GPR161: variants seen among roughly 807,000 people sequenced by gnomAD.
GPR161 encodes the protein G protein-coupled receptor 161, also known as G-protein coupled receptor RE2.
GPR161 carries 25 observed loss-of-function variants against 39.2 expected under a neutral mutation model. The observed-to-expected ratio is 0.64, with a 90% confidence interval of 0.47 to 0.89. The LOEUF is 0.89. GPR161 is among the 40% of genes least tolerant of loss of function. The pLI is 0.00. For missense variants in GPR161, 547 were observed against 677.8 expected (o/e 0.81, Z 2.14); for synonymous variants, 286 against 276.6 (o/e 1.03, Z -0.34).
rs1351048004 is a variant in GPR161, at chr1:168,083,999, T to G, written c.*1532A>C. 6.6e-6 allele frequency: 1 copy of G among 152,318 alleles called. No homozygotes were observed. Among genetic ancestry groups the G allele is most frequent in the Admixed American group, 6.5e-5 (1 of 15,292 alleles). 9.4% of individuals were successfully genotyped at this position (152,318 alleles called of 1,614,324 possible). ...GAGAAGTCCTGAACTTATTTAGTCA[T>G]GATGCAGGCCAAGGGCAGACGCAAG... On this transcript the variant is annotated 3_prime_UTR_variant, in exon 6 of 6. Coordinates refer to ENST00000682931, the MANE Select transcript of GPR161 (RefSeq NM_001375883.1).
chr1:168,121,657 C>T (rs1426631732), intron 1 of GPR161, among the ~76,000 whole-genome samples: 1 of 152,168 alleles, frequency 6.6e-6, no homozygotes, highest in Non-Finnish European at 1.5e-5. Context: ...GCTGGGGGTC[C>T]ACACAGCTTT....
chr1:168,125,595 C>T (rs1217605630), intron 1 of GPR161, among the ~76,000 whole-genome samples: 1 of 151,116 alleles, frequency 6.6e-6, no homozygotes, highest in Admixed American at 6.6e-5. Context: ...ATAACATGTA[C>T]AGTATCTTGA....
At position 168,135,877 on chromosome 1, in the gene GPR161, C is replaced by T. The variant is rs1025626428; in HGVS notation, c.-45+862G>A. 9 of 285,040 alleles carry T rather than the reference C, an allele frequency of 3.2e-5. No individual in the cohort carries two copies. In the East Asian group the frequency reaches 9.7e-4, roughly 31 times the overall value. The allele number at this position is 285,040 out of a possible 1,614,324, so 17.7% of individuals were successfully genotyped here. A position where few individuals can be genotyped will look rare whatever the true frequency, so the allele number is the denominator to read the frequency against. The stretch of plus-strand genomic sequence containing the variant: ...TCAAATGACCTGCTCTATGAAAGCA[C>T]TTTGCAAAAGGGATGAAAGTACAAT... On this transcript the variant is annotated intron_variant, in intron 1 of 5. Transcript: ENST00000682931.
At chr1:168,087,334 G>GGGGTGTGT (rs1553258170) in intron 5 of GPR161, among the ~76,000 whole-genome samples, 8 of 148,684 alleles carry the variant, frequency 5.4e-5, no homozygotes, top group African/African-American at 2.0e-4. Context: ...AACACGTGTG[G>GGGGTGTGT]GTGTGTGTGT....
At chr1:168,132,587 CAAAAAAAA>C (rs1160404142) in intron 1 of GPR161, among the ~76,000 whole-genome samples, 6 of 78,596 alleles carry the variant, frequency 7.6e-5, no homozygotes, top group Non-Finnish European at 1.6e-4. Flanking sequence ...GACTCCGTCT[CAAAAAAAA>C]AAAAAAGAAA....
chr1:168,130,872 C>T (rs1051688160), intron 1 of GPR161, among the ~76,000 whole-genome samples: 8 of 152,124 alleles, frequency 5.3e-5, no homozygotes, highest in African/African-American at 1.7e-4. Context: ...GATAAAACAT[C>T]ACCACCCACC....
intron 3 of GPR161, among the ~76,000 whole-genome samples, chr1:168,091,407 C>T (rs1478285857): frequency 3.9e-5 from 6 of 152,174 alleles, no homozygotes; most frequent in Admixed American, 1.3e-4. Context: ...CCTTGTCCCA[C>T]TTAACCTGGG....
intron 1 of GPR161, among the ~76,000 whole-genome samples, chr1:168,113,223 A>G (rs1050599041): frequency 4.6e-5 from 7 of 152,300 alleles, no homozygotes; most frequent in African/African-American, 1.7e-4. Flanking sequence ...TGCTAGACAC[A>G]AAGGTGCTTC....
intron 3 of GPR161, 84 bp from the exon 4 acceptor site, chr1:168,090,752 C>A: frequency 1.6e-6 from 1 of 626,894 alleles, no homozygotes; most frequent in Non-Finnish European, 2.8e-6. Flanking sequence ...GACCCATCTC[C>A]TGCCCTTCTG....
In GPR161 at chr1:168,136,869, C is replaced by G; in HGVS notation, c.-175G>C. ...GTTTCGGGTTTCAGCCCACCGAGCC[C>G]CGCTTCGCTCCTCCCGCGGGCCAGC... On this transcript the variant is annotated 5_prime_UTR_variant, in exon 1 of 6. Coordinates refer to ENST00000682931, the MANE Select transcript of GPR161 (RefSeq NM_001375883.1). 1 of 982,282 alleles carries G rather than the reference C, an allele frequency of 1.0e-6. No individual in the cohort carries two copies. Among genetic ancestry groups the G allele is most frequent in the Non-Finnish European group, 1.2e-6 (1 of 828,652 alleles). 60.8% of individuals were successfully genotyped at this position (982,282 alleles called of 1,614,324 possible). A position where few individuals can be genotyped will look rare whatever the true frequency, so the allele number is the denominator to read the frequency against.
chr1:168,080,105 C>G lies in GPR161; in HGVS notation c.*5426G>C, dbSNP rs1693960668. 6.6e-6 allele frequency: 1 copy of G among 152,124 alleles called. No individual in the cohort carries two copies. Among genetic ancestry groups the G allele is most frequent in the Admixed American group, 6.5e-5 (1 of 15,272 alleles). 9.4% of individuals were successfully genotyped at this position (152,124 alleles called of 1,614,324 possible). A position where few individuals can be genotyped will look rare whatever the true frequency, so the allele number is the denominator to read the frequency against. Reference sequence around the variant, plus strand: ...AGGAATCTTCAAGGTATTGGAAATACTTTGGAATCCAAAGTATTTGTTAGA... The same window carrying G: ...AGGAATCTTCAAGGTATTGGAAATAGTTTGGAATCCAAAGTATTTGTTAGA... On this transcript the variant is annotated 3_prime_UTR_variant, in exon 6 of 6. Transcript: ENST00000682931.
intron 1 of GPR161, chr1:168,134,925 G>C (rs1202384351): frequency 5.9e-6 from 9 of 1,535,592 alleles, no homozygotes; most frequent in Non-Finnish European, 7.0e-6. Context: ...CTGACATTTA[G>C]GTCAGTTCCA....
In GPR161 at chr1:168,087,696, T is replaced by C. The variant is rs750408987; in HGVS notation, c.1213A>G (p.Met405Val). The change falls in exon 5 of 6, where the codon ATG (methionine) becomes GTG (valine). Residue 405 changes from methionine to valine, a missense_variant. Met to Val is a conservative substitution (Grantham distance 21). Coordinates refer to ENST00000682931, the MANE Select transcript of GPR161 (RefSeq NM_001375883.1). ...GACGTGTAGTCCTCAAGCAGCATCA[T>C]ATCTGTCCCTAAAACAACGGGCAGA... ...FSCSQDSGTDMMLLEDYTSDD... is the reference protein window; with the variant it reads ...FSCSQDSGTDVMLLEDYTSDD... 2 of 1,611,292 alleles carry C rather than the reference T, an allele frequency of 1.2e-6. No individual in the cohort carries two copies. The highest frequency in any genetic ancestry group is 1.7e-6 in the Non-Finnish European group (2 of 1,178,290).
At chr1:168,137,067 G>T (rs1699446428), upstream of GPR161, 4 of 289,232 alleles carry the variant, frequency 1.4e-5, no homozygotes, top group South Asian at 4.3e-4. Context: ...CCCCACCCGC[G>T]CCCCTTCCTT....
chr1:168,136,612 G>A (rs1699397084), intron 1 of GPR161, 127 bp downstream of exon 1: 1 of 1,230,180 alleles, frequency 8.1e-7, no homozygotes, highest in South Asian at 4.0e-5. Context: ...AGGGAGCGCC[G>A]TGGGGGCGGG....
intron 3 of GPR161, among the ~76,000 whole-genome samples, chr1:168,092,359 C>T (rs1305221265): frequency 6.6e-6 from 1 of 152,180 alleles, no homozygotes; most frequent in African/African-American, 2.4e-5. Context: ...ACATGTCGGT[C>T]TGCACCAGTG....
intron 2 of GPR161, among the ~76,000 whole-genome samples, chr1:168,100,063 G>C (rs1347238923): frequency 6.6e-6 from 1 of 151,810 alleles, no homozygotes; most frequent in Admixed American, 6.6e-5. Flanking sequence ...AAATTAGGCA[G>C]GTATAGTGGT....
At chr1:168,112,692 AC>A (rs1697313318) in intron 1 of GPR161, among the ~76,000 whole-genome samples, 1 of 151,128 alleles carries the variant, frequency 6.6e-6, no homozygotes. Context: ...CTCCATCTCT[AC>A]GAAAAATACA....
Position 168,087,690 on chromosome 1 carries a change from G to T in GPR161, c.1219C>A (p.Leu407Met). ...TCATCAGACGTGTAGTCCTCAAGCA[G>T]CATCATATCTGTCCCTAAAACAACG... ...CSQDSGTDMM[L>M]LEDYTSDDNP... Residue 407 changes from leucine (L) to methionine (M), a missense_variant, in exon 5 of 6, where the codon CTG (leucine) becomes ATG (methionine). Physicochemically the swap from Leu to Met is conservative, Grantham distance 15. Transcript: ENST00000682931. The T allele has an allele frequency of 6.2e-7, 1 of 1,612,820 alleles. No individual in the cohort carries two copies. Among genetic ancestry groups the T allele is most frequent in the Non-Finnish European group, 8.5e-7 (1 of 1,179,250 alleles).
Sources: gnomAD v4.1 joint callset for allele counts (sites outside exome capture counted in the v4.1 genomes callset) on GRCh38, gnomAD v4.1.1 for gene constraint, MANE v1.5 for transcripts, NCBI Gene and HGNC (gene_info 2026-07-23, HGNC 2026-07-21) for gene names.